Variants in SHTN1 observed in about 807,000 individuals in gnomAD.
SHTN1 encodes the protein shootin-1.
SHTN1 carries 42 observed loss-of-function variants against 83.1 expected under a neutral mutation model. The ratio of observed to expected loss-of-function variants is 0.51; its 90% CI spans 0.39 to 0.65. The LOEUF (loss-of-function observed/expected upper bound fraction) is 0.65, where lower values mean the gene tolerates loss of function less well. SHTN1 is among the 30% of genes least tolerant of loss of function. SHTN1 has a pLI of 0.00. For missense variants in SHTN1, 622 were observed against 737.8 expected (o/e 0.84, Z 1.82); for synonymous variants, 224 against 247.7 (o/e 0.90, Z 0.90).
rs535387424 is a variant in SHTN1, at chr10:116,951,733, TTCA to T, written c.534+173_534+175del. Among the ~76,000 whole-genome samples the T allele has an allele frequency of 1.0e-3, 156 of 152,354 alleles. 1 individual carries two copies. Among genetic ancestry groups the T allele is most frequent in the African/African-American group, 3.7e-3 (154 of 41,588 alleles). ...AAGCTAGCTAGTGGGTACATGAATC[TTCA>T]TCATCTTATTTCCTCTACCTTTTTT... On this transcript the variant is annotated intron_variant, in intron 6 of 16. Transcript: ENST00000355371.
chr10:117,023,245 C>T (rs1852287614), intron 2 of SHTN1, among the ~76,000 whole-genome samples: 1 of 152,166 alleles, frequency 6.6e-6, no homozygotes, highest in Non-Finnish European at 1.5e-5. Flanking sequence ...TTACATAAAA[C>T]TAGCAGCAAA....
upstream of SHTN1, among the ~76,000 whole-genome samples, chr10:117,006,872 G>A (rs1009067127): frequency 2.0e-5 from 3 of 151,640 alleles, no homozygotes; most frequent in Non-Finnish European, 4.4e-5. Context: ...CCTGTAACTA[G>A]TGTCTTTCTG....
chr10:117,036,112 C>CT, intron 2 of SHTN1, among the ~76,000 whole-genome samples: 1 of 152,156 alleles, frequency 6.6e-6, no homozygotes, highest in Admixed American at 6.5e-5. Flanking sequence ...GTTAAAATGG[C>CT]TTTTATCCAA....
intron 1 of SHTN1, among the ~76,000 whole-genome samples, chr10:116,987,689 G>T (rs180970264): frequency 1.3e-5 from 2 of 152,026 alleles, no homozygotes; most frequent in Non-Finnish European, 2.9e-5. Context: ...GGCCTTGGTG[G>T]GCGGATCACA....
intron 9 of SHTN1, among the ~76,000 whole-genome samples, chr10:116,937,302 G>A (rs1849208858): frequency 6.6e-6 from 1 of 152,188 alleles, no homozygotes; most frequent in Non-Finnish European, 1.5e-5. Context: ...GCTGGTACCA[G>A]TCTTTCCTTT....
At chr10:116,896,758 A>G (rs1421231634) in intron 16 of SHTN1, among the ~76,000 whole-genome samples, 1 of 151,338 alleles carries the variant, frequency 6.6e-6, no homozygotes, top group East Asian at 1.9e-4. Flanking sequence ...CGAAATAAAC[A>G]GGTGGGAAAG....
chr10:117,108,529 G>A (rs1425128718), intron 1 of SHTN1, among the ~76,000 whole-genome samples: 1 of 140,160 alleles, frequency 7.1e-6, no homozygotes, highest in Non-Finnish European at 1.5e-5. Context: ...GACACAGGAA[G>A]GGGAACATCA....
chr10:117,063,117 AC>A (rs1852925949), intron 1 of SHTN1, among the ~76,000 whole-genome samples: 1 of 151,984 alleles, frequency 6.6e-6, no homozygotes, highest in South Asian at 2.1e-4. Flanking sequence ...CCTAATTTAA[AC>A]CTTTTACTGA....
chr10:116,908,339 CTTATT>C (rs1310309408), intron 14 of SHTN1, among the ~76,000 whole-genome samples: 6 of 152,062 alleles, frequency 3.9e-5, no homozygotes, highest in Admixed American at 6.6e-5. Context: ...ACTATAATGG[CTTATT>C]TTATCATTAA....
chr10:117,024,705 T>C (rs998939413), intron 2 of SHTN1, among the ~76,000 whole-genome samples: 4 of 152,180 alleles, frequency 2.6e-5, no homozygotes, highest in African/African-American at 9.7e-5. Flanking sequence ...TCAGCAAATA[T>C]TGAACTATAG....
In SHTN1 at chr10:116,881,851, G is replaced by A; in HGVS notation, c.*4493C>T. 1 of 474,384 alleles carries A rather than the reference G, an allele frequency of 2.1e-6. No homozygotes were observed. The highest frequency in any genetic ancestry group is 3.5e-6 in the Non-Finnish European group (1 of 288,066). 29.4% of individuals were successfully genotyped at this position (474,384 alleles called of 1,614,324 possible). On this transcript the variant is annotated 3_prime_UTR_variant, in exon 17 of 17. Transcript: ENST00000355371. ...ATGATGTTTTTGCCTGAAATTCTGT[G>A]AACTTCGTTTTGCAGCCACCACACT... is the stretch of plus-strand genomic sequence containing the variant.
At chr10:117,037,257 G>A (rs549181331) in intron 2 of SHTN1, among the ~76,000 whole-genome samples, 1 of 152,212 alleles carries the variant, frequency 6.6e-6, no homozygotes, top group South Asian at 2.1e-4. Flanking sequence ...GGGCAACATA[G>A]TGAGACTTCC....
intron 2 of SHTN1, among the ~76,000 whole-genome samples, chr10:117,031,450 C>T (rs985065512): frequency 6.6e-5 from 10 of 152,122 alleles, no homozygotes; most frequent in African/African-American, 2.2e-4. Context: ...CACAGAAAAA[C>T]AGAATATTAT....
chr10:117,017,282 G>C (rs1852193041), intron 2 of SHTN1, among the ~76,000 whole-genome samples: 1 of 152,094 alleles, frequency 6.6e-6, no homozygotes, highest in Non-Finnish European at 1.5e-5. Context: ...ACGAGGTCAG[G>C]AGATCGAGAC....
chr10:116,927,725 T>C, intron 11 of SHTN1, 67 bp downstream of exon 11: 1 of 1,427,478 alleles, frequency 7.0e-7, no homozygotes, highest in African/African-American at 1.5e-5. Flanking sequence ...TTAAGATGAC[T>C]CCTCTTATGG....
In SHTN1 at chr10:116,998,207, T is replaced by C. The variant is rs948002140; in HGVS notation, c.58+6815A>G. On this transcript the variant is annotated intron_variant, in intron 1 of 16. Coordinates refer to ENST00000355371, the MANE Select transcript of SHTN1 (RefSeq NM_001127211.3). ...CTTTAATCATTTATTTATATCAGTA[T>C]CAACTCATGAATATTACTTCAAATT... 3.3e-5 allele frequency among the ~76,000 whole-genome samples: 5 copies of C among 152,366 alleles called. No individual in the cohort carries two copies. In the South Asian group the frequency reaches 1.0e-3, roughly 32 times the overall value.
At chr10:116,917,421 C>G (rs1589804785) in intron 12 of SHTN1, among the ~76,000 whole-genome samples, 1 of 152,216 alleles carries the variant, frequency 6.6e-6, no homozygotes, top group East Asian at 1.9e-4. Context: ...TCTCCTGCCT[C>G]AGCCTCTCGA....
chr10:117,084,910 GCCCCCACTGA>G lies in SHTN1; in HGVS notation c.-188-36410_-188-36401del, dbSNP rs1157765273. Among the ~76,000 whole-genome samples the G allele has an allele frequency of 1.4e-4, 21 of 152,050 alleles. No individual in the cohort carries two copies. The South Asian group carries it at 3.7e-3, about 27-fold the overall frequency. On this transcript the variant is annotated intron_variant, in intron 1 of 17. Transcript: ENST00000392901. ...CTGCTTCGGCTCGCGCACGGTGCGC[GCCCCCACTGA>G]CCTGCGCCCACTGTCTGGCACTCCC...
At chr10:116,976,062 T>A (rs1850796273) in intron 2 of SHTN1, among the ~76,000 whole-genome samples, 1 of 152,178 alleles carries the variant, frequency 6.6e-6, no homozygotes, top group African/African-American at 2.4e-5. Flanking sequence ...AACATCGTGC[T>A]CAGAAGACCC....
Sources: allele counts gnomAD v4.1 joint callset (sites outside exome capture counted in the v4.1 genomes callset), GRCh38; gene constraint gnomAD v4.1.1; transcripts MANE v1.5; gene names NCBI Gene and HGNC (gene_info 2026-07-23, HGNC 2026-07-21).